SEM1: variants seen among roughly 807,000 people sequenced by gnomAD.
SEM1 encodes the protein 26S proteasome complex subunit SEM1.
In SEM1, 3 loss-of-function variants were observed where a neutral mutation model predicts 12.7. The observed-to-expected ratio is 0.24, with a 90% CI of 0.11 to 0.61. The LOEUF (loss-of-function observed/expected upper bound fraction) is 0.61. Ranked by LOEUF, SEM1 falls within the 20% of genes least tolerant of loss-of-function variation. The pLI, the probability that SEM1 is intolerant of heterozygous loss-of-function variation, is 0.88. For missense variants in SEM1, 59 were observed against 81.3 expected (o/e 0.73, Z 1.06); for synonymous variants, 30 against 27.8 (o/e 1.08, Z -0.25).
At chr7:96,555,280 T>C (rs1023316359) in intron 2 of SEM1, among the ~76,000 whole-genome samples, 2 of 152,136 alleles carry the variant, frequency 1.3e-5, no homozygotes, top group African/African-American at 4.8e-5. Flanking sequence ...TTAATTGTGA[T>C]GTTAGGGTGT....
At chr7:96,582,920 C>T (rs1205850372) in intron 2 of SEM1, among the ~76,000 whole-genome samples, 1 of 152,186 alleles carries the variant, frequency 6.6e-6, no homozygotes, top group East Asian at 1.9e-4. Flanking sequence ...TTTCAAAAAA[C>T]CAGCTCCTGG....
At chr7:96,665,668 C>G (rs1484963580) in intron 2 of SEM1, among the ~76,000 whole-genome samples, 7 of 152,288 alleles carry the variant, frequency 4.6e-5, no homozygotes, top group African/African-American at 1.7e-4. Flanking sequence ...TGGTCTCCAG[C>G]CTTAACTGTA....
chr7:96,606,524 C>T (rs1033757403), intron 2 of SEM1, among the ~76,000 whole-genome samples: 2 of 152,116 alleles, frequency 1.3e-5, no homozygotes, highest in South Asian at 2.1e-4. Context: ...CACATCCATA[C>T]ACAACAGGCT....
chr7:96,685,755 C>A (rs985709360), downstream of SEM1, among the ~76,000 whole-genome samples: 11 of 148,678 alleles, frequency 7.4e-5, no homozygotes, highest in Admixed American at 7.4e-4. Context: ...GGTAAGGCAA[C>A]TCCCATATAA....
chr7:96,693,609 G>T (rs1278340540), intron 2 of SEM1, among the ~76,000 whole-genome samples: 1 of 151,928 alleles, frequency 6.6e-6, no homozygotes, highest in Non-Finnish European at 1.5e-5. Flanking sequence ...AGAAAAATAA[G>T]TTTTGGCAAG....
At chr7:96,676,624 G>T (rs1789455271) in intron 2 of SEM1, among the ~76,000 whole-genome samples, 1 of 152,140 alleles carries the variant, frequency 6.6e-6, no homozygotes, top group Non-Finnish European at 1.5e-5. Context: ...CAATTTTATT[G>T]AGAGATATCA....
chr7:96,521,370 A>T (rs1158793461), intron 2 of SEM1, among the ~76,000 whole-genome samples: 1 of 152,158 alleles, frequency 6.6e-6, no homozygotes, highest in Non-Finnish European at 1.5e-5. Context: ...ATCATTCCCC[A>T]GCAGGCCATG....
chr7:96,578,408 G>A (rs1806276746), intron 2 of SEM1, among the ~76,000 whole-genome samples: 1 of 152,106 alleles, frequency 6.6e-6, no homozygotes, highest in Non-Finnish European at 1.5e-5. Context: ...ATGACAATTT[G>A]ATTGAGACCA....
rs4727342 is a variant in SEM1 at position 96,681,410 on chromosome 7, A to T, written c.171-7551T>A. 5.9e-5 allele frequency among the ~76,000 whole-genome samples: 9 copies of T among 152,112 alleles called. No homozygotes were observed. In the East Asian group the frequency reaches 7.7e-4, roughly 13 times the overall value. On this transcript the variant is annotated intron_variant, in intron 2 of 2. Transcript: ENST00000413065. ...ATAAGCAACAGTGATAGTACTAATA[A>T]TAGTAGTGGGAGTAGATAGATTCTT...
At chr7:96,668,192 T>C (rs1743660150) in intron 2 of SEM1, among the ~76,000 whole-genome samples, 1 of 152,214 alleles carries the variant, frequency 6.6e-6, no homozygotes, top group Non-Finnish European at 1.5e-5. Flanking sequence ...GTATATCATA[T>C]TATTTTTAAG....
chr7:96,688,705 G>T (rs2115806199), downstream of SEM1: 1 of 418,252 alleles, frequency 2.4e-6, no homozygotes, highest in Non-Finnish European at 4.2e-6. Flanking sequence ...TAAGGTTTTG[G>T]AAAATCATGA....
chr7:96,700,257 G>C (rs1417513100), intron 1 of SEM1, among the ~76,000 whole-genome samples: 1 of 152,156 alleles, frequency 6.6e-6, no homozygotes, highest in Non-Finnish European at 1.5e-5. Context: ...GGTGAGTAGA[G>C]AAACATGTCC....
chr7:96,528,764 C>T (rs1804547298), intron 2 of SEM1, among the ~76,000 whole-genome samples: 1 of 152,108 alleles, frequency 6.6e-6, no homozygotes, highest in South Asian at 2.1e-4. Context: ...CTGCAGTCAT[C>T]AAGCTCTCCA....
chr7:96,575,608 A>C (rs1360674439), intron 2 of SEM1, among the ~76,000 whole-genome samples: 1 of 152,116 alleles, frequency 6.6e-6, no homozygotes, highest in East Asian at 1.9e-4. Context: ...GGGAGATGGG[A>C]GTTTTATCTA....
intron 2 of SEM1, among the ~76,000 whole-genome samples, chr7:96,514,524 AAT>A (rs1266814549): frequency 1.4e-5 from 1 of 72,860 alleles, no homozygotes; most frequent in Non-Finnish European, 2.6e-5. Context: ...AATCTTAAGT[AAT>A]TGACAAAAAA....
chr7:96,606,462 C>G (rs1807382956), intron 2 of SEM1, among the ~76,000 whole-genome samples: 1 of 152,216 alleles, frequency 6.6e-6, no homozygotes, highest in Admixed American at 6.5e-5. Context: ...GACACCCTAA[C>G]TGTGTCACCT....
intron 3 of SEM1, among the ~76,000 whole-genome samples, chr7:96,504,954 T>A (rs1803702533): frequency 1.3e-5 from 2 of 151,916 alleles, no homozygotes; most frequent in South Asian, 4.1e-4. Flanking sequence ...TGTAGCTTAG[T>A]ATATTTCTTG....
chr7:96,581,616 T>G (rs1443354904), intron 2 of SEM1, among the ~76,000 whole-genome samples: 1 of 152,224 alleles, frequency 6.6e-6, no homozygotes, highest in Non-Finnish European at 1.5e-5. Context: ...TGGAATGTTC[T>G]TCCATTTCTT....
At chr7:96,500,138 A>G (rs914155544), upstream of SEM1, among the ~76,000 whole-genome samples, 1 of 152,114 alleles carries the variant, frequency 6.6e-6, no homozygotes, top group Non-Finnish European at 1.5e-5. Flanking sequence ...AACCCTTTCC[A>G]TAGATACATT....
Sources: gnomAD v4.1 joint callset for allele counts (sites outside exome capture counted in the v4.1 genomes callset) on GRCh38, gnomAD v4.1.1 for gene constraint, MANE v1.5 for transcripts, NCBI Gene and HGNC (gene_info 2026-07-23, HGNC 2026-07-21) for gene names.